RBAK: variants seen among roughly 807,000 people sequenced by gnomAD.
RBAK encodes RB-associated KRAB zinc finger protein.
RBAK carries 39 observed loss-of-function variants against 65.8 expected under a neutral mutation model. The observed-to-expected ratio is 0.59, with a 90% CI of 0.46 to 0.77. RBAK has a LOEUF of 0.77. RBAK is among the 30% of genes least tolerant of loss of function. The probability of loss-of-function intolerance (pLI) is 0.00; values close to 1 mark genes in which losing one functional copy is unlikely to be tolerated. For missense variants in RBAK, 884 were observed against 855.1 expected (o/e 1.03, Z -0.42); for synonymous variants, 343 against 289.7 (o/e 1.18, Z -1.87).
chr7:5,052,634 C>G (rs1022987364), intron 2 of RBAK, among the ~76,000 whole-genome samples: 2 of 152,118 alleles, frequency 1.3e-5, no homozygotes, highest in Non-Finnish European at 2.9e-5. Context: ...CAATAGGATA[C>G]TTTCATTTCT....
chr7:5,064,984 C>A lies in RBAK; in HGVS notation c.1528C>A (p.Pro510Thr), dbSNP rs764670112. The A allele has an allele frequency of 1.9e-6, 3 of 1,613,952 alleles. No individual in the cohort carries two copies. In the African/African-American group the frequency reaches 4.0e-5, roughly 22 times the overall value. The change falls in exon 5 of 5, where the codon CCC becomes ACC. Residue 510 changes from proline (P) to threonine (T), a missense_variant. Physicochemically the swap from Pro to Thr is conservative, Grantham distance 38 (BLOSUM62 -1). Transcript: ENST00000396912. The surrounding 1 kb of genome is among the most constrained non-coding windows in gnomAD (Gnocchi z 6.3). ...TCATACAGCTCATTTAGAAGAGAAA[C>A]CCTATGAATGTAATGAATGTGGGAA... ...DHHTAHLEEK[P>T]YECNECGKTF...
rs1297855446 is a variant in RBAK, at chr7:5,068,573, C to T, written c.*2972C>T. 2 of 152,172 alleles carry T rather than the reference C, an allele frequency of 1.3e-5. No homozygotes were observed. The highest frequency in any genetic ancestry group is 6.5e-5 in the Admixed American group (1 of 15,270). 9.4% of individuals were successfully genotyped at this position (152,172 alleles called of 1,614,324 possible). A position where few individuals can be genotyped will look rare whatever the true frequency, so the allele number is the denominator to read the frequency against. ...AAATGAAAAGCATGAAAAAGCATCA[C>T]GTTTTGGCAAGGATGTAAGCAAGAG... On this transcript the variant is annotated 3_prime_UTR_variant, in exon 5 of 5. Transcript: ENST00000396912.
chr7:5,046,038 C>A lies in RBAK; in HGVS notation c.-403C>A, dbSNP rs1173827156. ...CGCGCGGGCCGGGTGGAGGCTTGAGCGGGGACCCCCGAGCTTGAGCCCCGG... is the reference window on the plus strand; with the variant it reads ...CGCGCGGGCCGGGTGGAGGCTTGAGAGGGGACCCCCGAGCTTGAGCCCCGG... On this transcript the variant is annotated 5_prime_UTR_variant, in exon 1 of 5. Transcript: ENST00000396912. 1 of 277,266 alleles carries A rather than the reference C, an allele frequency of 3.6e-6. No individual in the cohort carries two copies. The highest frequency in any genetic ancestry group is 6.9e-6 in the Non-Finnish European group (1 of 144,844). 17.2% of individuals were successfully genotyped at this position (277,266 alleles called of 1,614,324 possible).
At chr7:5,062,884 A>T (rs1055820193) in intron 4 of RBAK, among the ~76,000 whole-genome samples, 1 of 152,218 alleles carries the variant, frequency 6.6e-6, no homozygotes, top group South Asian at 2.1e-4. Context: ...ACCGGCAGTC[A>T]GAGTTTAAGG....
chr7:5,058,002 C>G (rs1178435851), intron 4 of RBAK, among the ~76,000 whole-genome samples: 6 of 151,958 alleles, frequency 3.9e-5, no homozygotes, highest in Non-Finnish European at 8.8e-5. Flanking sequence ...CCATTCACTT[C>G]CTCTTTCTCC....
rs2115023679 is a variant in RBAK, at chr7:5,048,287, C to A, written c.15+196C>A. On this transcript the variant is annotated intron_variant, in intron 2 of 4. Transcript: ENST00000396912. The surrounding 1 kb of genome is among the most constrained non-coding windows in gnomAD (Gnocchi z 4.4). ...TCCTGGGTTCAAGCGATTCTCCTGC[C>A]TCAGCCTCCCGAGTAGCTGGGATTA... Among the ~76,000 whole-genome samples, 1 of 152,178 alleles carries A rather than the reference C, an allele frequency of 6.6e-6. No homozygotes were observed. The highest frequency in any genetic ancestry group is 2.1e-4 in the South Asian group (1 of 4,828).
intron 2 of RBAK, among the ~76,000 whole-genome samples, chr7:5,056,104 C>CTTTTTTTTT (rs887932671): frequency 1.4e-4 from 15 of 107,906 alleles, no homozygotes; most frequent in South Asian, 3.1e-4. Context: ...TTGCATTTTT[C>CTTTTTTTTT]TTTTTTTTTT....
intron 2 of RBAK, among the ~76,000 whole-genome samples, chr7:5,051,372 TTGAGAGTGGGTATGA>T (rs1420847653): frequency 6.6e-6 from 1 of 152,154 alleles, no homozygotes; most frequent in Non-Finnish European, 1.5e-5. Flanking sequence ...TCTGAACTGT[TTGAGAGTGGGTATGA>T]TTTGTCATGC....
At chr7:5,058,219 C>T (rs1778975854) in intron 4 of RBAK, among the ~76,000 whole-genome samples, 1 of 152,124 alleles carries the variant, frequency 6.6e-6, no homozygotes. Context: ...GGATTACAGG[C>T]ACATGCCACC....
At chr7:5,054,957 T>TG (rs1196675601) in intron 2 of RBAK, among the ~76,000 whole-genome samples, 1 of 152,084 alleles carries the variant, frequency 6.6e-6, no homozygotes, top group Non-Finnish European at 1.5e-5. Flanking sequence ...TTTGTTTGTT[T>TG]TTTAGTAGAG....
intron 2 of RBAK, among the ~76,000 whole-genome samples, chr7:5,055,282 G>A (rs895135943): frequency 1.6e-4 from 23 of 144,122 alleles, no homozygotes; most frequent in Admixed American, 1.2e-3. Flanking sequence ...GTGTGTGTGC[G>A]TGCGTGTATA....
chr7:5,049,212 C>A (rs1217339522), intron 2 of RBAK, among the ~76,000 whole-genome samples: 2 of 152,130 alleles, frequency 1.3e-5, no homozygotes, highest in Non-Finnish European at 2.9e-5. Flanking sequence ...ATGGCTTATT[C>A]TTGGTGCTTA....
rs1307360181 is a variant in RBAK at position 5,067,862 on chromosome 7, CA to C, written c.*2263del. ...GTTCTTTCCAGTAAATGTACTTTGC[CA>C]ATAAAATTTTGTAATTTGATAAAAA... On this transcript the variant is annotated 3_prime_UTR_variant, in exon 5 of 5. Coordinates refer to ENST00000396912, the MANE Select transcript of RBAK (RefSeq NM_021163.4). The C allele has an allele frequency of 1.3e-5, 2 of 151,972 alleles. No individual in the cohort carries two copies. Among genetic ancestry groups the C allele is most frequent in the African/African-American group, 4.8e-5 (2 of 41,378 alleles). 9.4% of individuals were successfully genotyped at this position (151,972 alleles called of 1,614,324 possible).
chr7:5,057,546 C>A, intron 3 of RBAK, 125 bp downstream of exon 3: 1 of 1,592,304 alleles, frequency 6.3e-7, no homozygotes, highest in Non-Finnish European at 8.6e-7. Flanking sequence ...TATTATTATT[C>A]ATTGAAAGGT....
In RBAK at chr7:5,060,206, C is replaced by G. The variant is rs1288033315; in HGVS notation, c.238+2427C>G. Among the ~76,000 whole-genome samples, 3 of 152,122 alleles carry G rather than the reference C, an allele frequency of 2.0e-5. No individual in the cohort carries two copies. The East Asian group carries it at 5.8e-4, about 29-fold the overall frequency. On this transcript the variant is annotated intron_variant, in intron 4 of 4. Transcript: ENST00000396912. ...CTTTTATAATGCAACATACAGTAGGCATTCAGTAGGTTTTTATTGACTTAC... is the reference window on the plus strand; with the variant it reads ...CTTTTATAATGCAACATACAGTAGGGATTCAGTAGGTTTTTATTGACTTAC...
intron 2 of RBAK, among the ~76,000 whole-genome samples, chr7:5,054,454 T>G (rs1429160846): frequency 1.3e-5 from 2 of 152,060 alleles, no homozygotes; most frequent in African/African-American, 2.4e-5. Flanking sequence ...CCGTTTTATT[T>G]TTCTTTCTGT....
At chr7:5,046,537 G>T (rs1314033682) in intron 1 of RBAK, 141 bp downstream of exon 1, 1 of 352,192 alleles carries the variant, frequency 2.8e-6, no homozygotes, top group Non-Finnish European at 5.6e-6. Context: ...GGCAGGGTCC[G>T]GCTGCACCGA....
rs768318632 is a variant in RBAK, at chr7:5,057,778, A to G, written c.237A>G (p.Pro79=). 9 of 1,613,774 alleles carry G rather than the reference A, an allele frequency of 5.6e-6. No individual in the cohort carries two copies. Among genetic ancestry groups the G allele is most frequent in the African/African-American group, 2.7e-5 (2 of 74,912 alleles). Residue 79 remains proline, a splice_region_variant and synonymous_variant, in exon 4 of 5, where the codon CCA becomes CCG. Coordinates refer to ENST00000396912, the MANE Select transcript of RBAK (RefSeq NM_021163.4). The part of the protein sequence containing the change: ...MGGEFPCQHS[P]EAWRVDDLIE... ...GTGAATTTCCATGTCAACATAGTCC[A>G]GGTAAGTTAGTAGCGTATCAAAGGT...
At chr7:5,057,586 A>T in intron 3 of RBAK, 98 bp from the exon 4 acceptor site, 1 of 1,587,236 alleles carries the variant, frequency 6.3e-7, no homozygotes, top group Non-Finnish European at 8.6e-7. Flanking sequence ...AAAATGGAGC[A>T]CTTCTGTTAT....
Sources: gnomAD v4.1 joint callset for allele counts (sites outside exome capture counted in the v4.1 genomes callset) on GRCh38, gnomAD v4.1.1 for gene constraint, Gnocchi (gnomAD v3.1) non-coding constraint, MANE v1.5 for transcripts, NCBI Gene and HGNC (gene_info 2026-07-23, HGNC 2026-07-21) for gene names.